The following PDE4B variants were observed in gnomAD, a reference collection of about 807,000 sequenced individuals.
PDE4B encodes 3',5'-cyclic-AMP phosphodiesterase 4B.
Under a neutral mutation model 82.2 loss-of-function variants are expected in PDE4B, and 20 were observed. That is an observed-to-expected ratio of 0.24 (90% CI 0.17 to 0.35). The LOEUF (loss-of-function observed/expected upper bound fraction) is 0.35. Ranked by LOEUF, PDE4B falls within the 10% of genes least tolerant of loss-of-function variation. The pLI, the probability that PDE4B is intolerant of heterozygous loss-of-function variation, is 1.00. For synonymous variants in PDE4B, 320 were observed against 318.9 expected, an observed-to-expected ratio of 1.00 and a Z score of -0.04; for missense variants, 655 against 907.2, an observed-to-expected ratio of 0.72 and a Z score of 3.57.
chr1:65,913,190 A>AT (rs1174999757), intron 1 of PDE4B, 55 bp from the exon 2 acceptor site: 2 of 692,812 alleles, frequency 2.9e-6, no homozygotes, highest in African/African-American at 3.6e-5. Context: ...TATGCCACAT[A>AT]TTTTTCTTTA....
chr1:65,984,888 T>C (rs1650875657), intron 3 of PDE4B, among the ~76,000 whole-genome samples: 1 of 151,650 alleles, frequency 6.6e-6, no homozygotes. Flanking sequence ...TTTGATTATA[T>C]GAAATATTAT....
intron 7 of PDE4B, among the ~76,000 whole-genome samples, chr1:66,272,779 CTTTTTTTTTTTTTTT>C (rs869201227): frequency 3.2e-5 from 2 of 61,658 alleles, no homozygotes; most frequent in African/African-American, 7.0e-5. Flanking sequence ...TACTAGAATT[CTTTTTTTTTTTTTTT>C]TTTTTTTTTT....
intron 1 of PDE4B, among the ~76,000 whole-genome samples, chr1:65,819,809 A>G (rs1645932436): frequency 6.6e-6 from 1 of 151,944 alleles, no homozygotes; most frequent in African/African-American, 2.4e-5. Flanking sequence ...TGCTTTGTTT[A>G]TAATTGTTCT....
chr1:65,806,095 C>T (rs1054266182), intron 1 of PDE4B, among the ~76,000 whole-genome samples: 1 of 152,070 alleles, frequency 6.6e-6, no homozygotes. Flanking sequence ...CAACATGCAC[C>T]TTTAATCGAT....
At chr1:65,873,462 A>C (rs1246838439) in intron 1 of PDE4B, among the ~76,000 whole-genome samples, 1 of 152,222 alleles carries the variant, frequency 6.6e-6, no homozygotes, top group Non-Finnish European at 1.5e-5. Flanking sequence ...GTAGAGTGTG[A>C]TATGTAGATA....
At chr1:66,101,257 G>C (rs1182550210) in intron 3 of PDE4B, among the ~76,000 whole-genome samples, 2 of 152,122 alleles carry the variant, frequency 1.3e-5, no homozygotes, top group African/African-American at 4.8e-5. Context: ...TTGGTTTCAA[G>C]TCTTTGCTAT....
At chr1:66,070,415 G>A (rs1389870673) in intron 3 of PDE4B, among the ~76,000 whole-genome samples, 2 of 151,990 alleles carry the variant, frequency 1.3e-5, no homozygotes, top group Admixed American at 6.6e-5. Flanking sequence ...GAATGGTAGA[G>A]GGAAAAGTAG....
chr1:65,971,120 G>A (rs975978834), intron 3 of PDE4B, among the ~76,000 whole-genome samples: 3 of 151,382 alleles, frequency 2.0e-5, no homozygotes, highest in Admixed American at 6.6e-5. Flanking sequence ...AGTAATTGTA[G>A]TGAGAGACAG....
chr1:65,969,595 GA>G (rs1293493695), intron 3 of PDE4B, among the ~76,000 whole-genome samples: 1 of 152,104 alleles, frequency 6.6e-6, no homozygotes, highest in Non-Finnish European at 1.5e-5. Flanking sequence ...ACTTTTTTGA[GA>G]AGATCTACTG....
chr1:66,352,030 G>A (rs554776399), intron 8 of PDE4B, among the ~76,000 whole-genome samples: 1 of 152,178 alleles, frequency 6.6e-6, no homozygotes, highest in South Asian at 2.1e-4. Flanking sequence ...TTTGTACAGA[G>A]CCCAACATAA....
chr1:66,001,592 T>C (rs1651865805), intron 3 of PDE4B, among the ~76,000 whole-genome samples: 1 of 152,198 alleles, frequency 6.6e-6, no homozygotes, highest in African/African-American at 2.4e-5. Flanking sequence ...CTTTTGGCTA[T>C]TATGAATAAA....
intron 3 of PDE4B, among the ~76,000 whole-genome samples, chr1:66,164,151 A>G (rs531837942): frequency 1.3e-5 from 2 of 152,274 alleles, no homozygotes; most frequent in South Asian, 4.1e-4. Context: ...AGCCATTTGC[A>G]GACATAATCC....
chr1:66,041,959 A>T (rs12565572), intron 3 of PDE4B, among the ~76,000 whole-genome samples: 7,608 of 151,918 alleles, frequency 0.05, 565 homozygotes, highest in East Asian at 0.36. Flanking sequence ...GATATGTAAT[A>T]AGTAACTGTT....
At chr1:66,124,984 C>T (rs1346193082) in intron 3 of PDE4B, among the ~76,000 whole-genome samples, 2 of 151,594 alleles carry the variant, frequency 1.3e-5, no homozygotes, top group Admixed American at 6.6e-5. Flanking sequence ...CTGGTTCTCA[C>T]CTTGCACCCT....
intron 3 of PDE4B, among the ~76,000 whole-genome samples, chr1:66,239,235 C>A (rs72641146): frequency 3.3e-5 from 5 of 152,050 alleles, no homozygotes; most frequent in Non-Finnish European, 7.4e-5. Flanking sequence ...GAGAATGTAG[C>A]CTGGAAAATA....
intron 3 of PDE4B, among the ~76,000 whole-genome samples, chr1:66,190,248 G>A (rs1350953358): frequency 2.0e-5 from 3 of 152,188 alleles, no homozygotes; most frequent in African/African-American, 7.2e-5. Context: ...GCCTCTACTG[G>A]GGGGTGCCTC....
chr1:66,200,355 T>G (rs1420281562), intron 3 of PDE4B, among the ~76,000 whole-genome samples: 2 of 152,322 alleles, frequency 1.3e-5, no homozygotes, highest in African/African-American at 2.4e-5. Flanking sequence ...ATATGAACTT[T>G]ACAGTAGTTT....
chr1:66,264,659 T>C (rs1238374598), intron 6 of PDE4B, among the ~76,000 whole-genome samples: 2 of 152,210 alleles, frequency 1.3e-5, no homozygotes, highest in Non-Finnish European at 2.9e-5. Context: ...ACCCTGTCTA[T>C]AGACTACGGC....
At chr1:66,349,013 G>C (rs951441910) in intron 8 of PDE4B, among the ~76,000 whole-genome samples, 3 of 152,080 alleles carry the variant, frequency 2.0e-5, no homozygotes, top group African/African-American at 7.2e-5. Flanking sequence ...ATCATCTCTT[G>C]AGAAGTTTTC....
Sources: gnomAD v4.1 joint callset for allele counts (sites outside exome capture counted in the v4.1 genomes callset) on GRCh38, gnomAD v4.1.1 for gene constraint, MANE v1.5 for transcripts, NCBI Gene and HGNC (gene_info 2026-07-23, HGNC 2026-07-21) for gene names.